PRKCQ: variants seen among roughly 807,000 people sequenced by gnomAD.
PRKCQ encodes the protein protein kinase C theta type.
PRKCQ carries 41 observed loss-of-function variants against 91.2 expected under a neutral mutation model. That is an observed-to-expected ratio of 0.45 (90% CI 0.35 to 0.58). The LOEUF (loss-of-function observed/expected upper bound fraction) is 0.58. Among genes scored for constraint, PRKCQ ranks in the 20% least tolerant of loss-of-function variants. PRKCQ has a pLI of 0.00. For synonymous variants in PRKCQ, 307 were observed against 316.9 expected (o/e 0.97, Z 0.33); for missense variants, 673 against 896.5 (o/e 0.75, Z 3.18).
intron 16 of PRKCQ, among the ~76,000 whole-genome samples, chr10:6,433,818 G>A (rs945552721): frequency 6.6e-6 from 1 of 151,992 alleles, no homozygotes; most frequent in Non-Finnish European, 1.5e-5. Context: ...ATCACCTGAG[G>A]TCAGGAGTTT....
intron 12 of PRKCQ, among the ~76,000 whole-genome samples, chr10:6,466,075 G>T (rs1025614943): frequency 6.6e-6 from 1 of 152,224 alleles, no homozygotes; most frequent in Non-Finnish European, 1.5e-5. Context: ...AAGCCACAAA[G>T]GTGGAATCTT....
chr10:6,520,153 ACT>A (rs1838944756), intron 1 of PRKCQ, among the ~76,000 whole-genome samples: 1 of 151,302 alleles, frequency 6.6e-6, no homozygotes, highest in Non-Finnish European at 1.5e-5. Context: ...CACGCATTCG[ACT>A]CTCTCCTGGA....
the PRKCQ span, among the ~76,000 whole-genome samples, chr10:6,417,903 C>T: frequency 6.6e-6 from 1 of 152,214 alleles, no homozygotes; most frequent in Admixed American, 6.5e-5. Context: ...AGTCCCTTCA[C>T]TTCCACCACC....
At chr10:6,410,961 A>G in the PRKCQ span, among the ~76,000 whole-genome samples, 1 of 133,172 alleles carries the variant, frequency 7.5e-6, no homozygotes, top group Non-Finnish European at 1.6e-5. Context: ...CAGGCGACAG[A>G]GTGAGATTCC....
intron 12 of PRKCQ, among the ~76,000 whole-genome samples, chr10:6,464,979 C>T (rs776391721): frequency 3.6e-4 from 55 of 152,004 alleles, no homozygotes; most frequent in Non-Finnish European, 7.6e-4. Context: ...GAGCGGGGGG[C>T]ACAAGGGAGA....
Position 6,479,766 on chromosome 10 carries a change from CT to C in PRKCQ, c.1180-602del, listed in dbSNP as rs1332600139. Among the ~76,000 whole-genome samples, 159 of 32,074 alleles carry C rather than the reference CT, an allele frequency of 5.0e-3. 2 individuals are homozygous for C. The highest frequency in any genetic ancestry group is 0.022 in the African/African-American group (153 of 6,998). The allele number at this position is 32,074 out of a possible 152,430, so 21.0% of individuals were successfully genotyped here. ...CCAACATGGTGAAACCCCGTCTCGA[CT>C]AAAAAAAAAAAAAAAAAAAAAAAAA... On this transcript the variant is annotated intron_variant, in intron 11 of 17. Transcript: ENST00000263125.
chr10:6,549,288 G>A (rs1275061053), intron 1 of PRKCQ, among the ~76,000 whole-genome samples: 1 of 152,196 alleles, frequency 6.6e-6, no homozygotes, highest in African/African-American at 2.4e-5. Flanking sequence ...GGATTCATTA[G>A]AGTTCCCTTG....
chr10:6,521,324 A>G (rs964939361), intron 1 of PRKCQ, among the ~76,000 whole-genome samples: 3 of 152,232 alleles, frequency 2.0e-5, no homozygotes, highest in African/African-American at 7.2e-5. Context: ...AGAGAATACA[A>G]TGGTCAAATT....
intron 12 of PRKCQ, among the ~76,000 whole-genome samples, chr10:6,472,529 G>A (rs1488830986): frequency 6.6e-6 from 1 of 152,190 alleles, no homozygotes; most frequent in Non-Finnish European, 1.5e-5. Context: ...ACATTTAAAA[G>A]GTGTTAGAAT....
chr10:6,432,417 G>A (rs985533212), intron 16 of PRKCQ, among the ~76,000 whole-genome samples: 1 of 151,908 alleles, frequency 6.6e-6, no homozygotes, highest in South Asian at 2.1e-4. Context: ...ATCTTTTAAA[G>A]TTCCGGGTGA....
intron 1 of PRKCQ, among the ~76,000 whole-genome samples, chr10:6,579,559 T>C (rs1841376517): frequency 6.6e-6 from 1 of 152,004 alleles, no homozygotes. Flanking sequence ...ACAAAGATAC[T>C]TTATTGCACA....
chr10:6,558,229 T>C (rs766960056), intron 1 of PRKCQ, among the ~76,000 whole-genome samples: 23 of 152,216 alleles, frequency 1.5e-4, no homozygotes, highest in Non-Finnish European at 3.4e-4. Context: ...TGGCTAAAGA[T>C]ATATATTAAA....
intron 15 of PRKCQ, among the ~76,000 whole-genome samples, chr10:6,449,777 T>G (rs941124090): frequency 1.3e-5 from 2 of 152,198 alleles, no homozygotes; most frequent in African/African-American, 4.8e-5. Context: ...GGGACCAATA[T>G]TCAACATTCT....
At chr10:6,491,845 T>C (rs1366136340) in intron 7 of PRKCQ, 33 bp from the exon 8 acceptor site, 3 of 1,613,858 alleles carry the variant, frequency 1.9e-6, no homozygotes, top group Non-Finnish European at 1.7e-6. Flanking sequence ...AATCTGTGTA[T>C]TCCTGGGGCC....
At chr10:6,399,013 A>G in the PRKCQ span, among the ~76,000 whole-genome samples, 5 of 152,164 alleles carry the variant, frequency 3.3e-5, no homozygotes, top group African/African-American at 9.7e-5. Flanking sequence ...TGCCTGCCTC[A>G]GCCTCCCAAA....
intron 1 of PRKCQ, among the ~76,000 whole-genome samples, chr10:6,574,446 G>C (rs1330517562): frequency 1.3e-5 from 2 of 152,178 alleles, no homozygotes; most frequent in Non-Finnish European, 2.9e-5. Flanking sequence ...TGTTACCCAA[G>C]CTTAGTGATT....
At position 6,428,453 on chromosome 10, in the gene PRKCQ, C is replaced by T. The variant is rs187417051; in HGVS notation, c.1966-91G>A. 2.5e-3 allele frequency: 3,524 copies of T among 1,426,232 alleles called. 6 individuals are homozygous for T. The highest frequency in any genetic ancestry group is 3.0e-3 in the Non-Finnish European group (3,119 of 1,047,878). 88.3% of individuals were successfully genotyped at this position (1,426,232 alleles called of 1,614,324 possible). ...CTTTTGTTATCTAGGCCGTGATCTG[C>T]GTATGGCAAAGTTGGTGTTTGCAGA... On this transcript the variant is annotated intron_variant, in intron 17 of 17. Coordinates refer to ENST00000263125, the MANE Select transcript of PRKCQ (RefSeq NM_006257.5).
chr10:6,403,478 C>A, the PRKCQ span, among the ~76,000 whole-genome samples: 17 of 152,198 alleles, frequency 1.1e-4, no homozygotes, highest in African/African-American at 3.6e-4. Flanking sequence ...ATCTCTGGGG[C>A]ATATCCAGTG....
intron 1 of PRKCQ, among the ~76,000 whole-genome samples, chr10:6,568,544 C>A (rs1451784722): frequency 6.7e-6 from 1 of 149,170 alleles, no homozygotes; most frequent in Non-Finnish European, 1.5e-5. Context: ...GTCTCCCAGG[C>A]TGGACTGCAG....
Sources: gnomAD v4.1 joint callset for allele counts (sites outside exome capture counted in the v4.1 genomes callset) on GRCh38, gnomAD v4.1.1 for gene constraint, MANE v1.5 for transcripts, NCBI Gene and HGNC (gene_info 2026-07-23, HGNC 2026-07-21) for gene names.